The following PECAM1 variants were observed in gnomAD, a reference collection of about 807,000 sequenced individuals.
PECAM1 encodes platelet endothelial cell adhesion molecule.
PECAM1 carries 8 observed loss-of-function variants against 13.8 expected under a neutral mutation model. The observed-to-expected ratio is 0.58, with a 90% confidence interval of 0.34 to 1.05. The LOEUF (loss-of-function observed/expected upper bound fraction) is 1.05, where lower values mean the gene tolerates loss of function less well. PECAM1 is among the 50% of genes least tolerant of loss of function. The probability of loss-of-function intolerance (pLI) is 0.03; values close to 1 mark genes in which losing one functional copy is unlikely to be tolerated. For synonymous variants in PECAM1, 136 were observed against 52.6 expected (o/e 2.58, Z -6.86); for missense variants, 304 against 141.2 (o/e 2.15, Z -5.84).
chr17:64,322,045 G>A lies in PECAM1; in HGVS notation c.*1771C>T. 8.6e-7 allele frequency: 1 copy of A among 1,161,098 alleles called. No homozygotes were observed. Among genetic ancestry groups the A allele is most frequent in the Non-Finnish European group, 1.1e-6 (1 of 918,920 alleles). 71.9% of individuals were successfully genotyped at this position (1,161,098 alleles called of 1,614,324 possible). ...ATACAACTCGGTGTGTGTGTGTTGGGGAAAGGAACCAACAGCTTTCATCAT... is the reference window on the plus strand; with the variant it reads ...ATACAACTCGGTGTGTGTGTGTTGGAGAAAGGAACCAACAGCTTTCATCAT... On this transcript the variant is annotated 3_prime_UTR_variant, in exon 16 of 16. Transcript: ENST00000563924.
rs2036104175 is a variant in PECAM1, at chr17:64,366,315, C to T, written c.968-2918G>A. On this transcript the variant is annotated intron_variant, in intron 5 of 15. Coordinates refer to ENST00000563924, the MANE Select transcript of PECAM1 (RefSeq NM_000442.5). ...GTTAGAATGGCGATCATTAAAAAGT[C>T]AGGAAACAACAGGTGCTGGAGAGGA... 2.6e-5 allele frequency among the ~76,000 whole-genome samples: 4 copies of T among 151,962 alleles called. No homozygotes were observed. The South Asian group carries it at 8.3e-4, about 32-fold the overall frequency.
At chr17:64,384,123 C>A (rs2036541557) in intron 2 of PECAM1, among the ~76,000 whole-genome samples, 1 of 152,116 alleles carries the variant, frequency 6.6e-6, no homozygotes, top group Non-Finnish European at 1.5e-5. Context: ...AGAGCAAAAA[C>A]TCCATCTCAG....
chr17:64,325,075 T>G (rs62071606), intron 15 of PECAM1, among the ~76,000 whole-genome samples: 1 of 152,244 alleles, frequency 6.6e-6, no homozygotes, highest in Non-Finnish European at 1.5e-5. Context: ...TTTAAAATGG[T>G]TAAGTATACA....
At chr17:64,339,579 A>G (rs4968723) in intron 14 of PECAM1, among the ~76,000 whole-genome samples, 54,684 of 151,612 alleles carry the variant, frequency 0.36, 11,484 homozygotes, top group Non-Finnish European at 0.47. Context: ...ACCCTACCTC[A>G]CTTATAACTT....
chr17:64,386,535 A>G (rs2036597814), intron 2 of PECAM1, among the ~76,000 whole-genome samples: 2 of 152,222 alleles, frequency 1.3e-5, no homozygotes, highest in Non-Finnish European at 2.9e-5. Flanking sequence ...CCACAATTTA[A>G]AAAAAGACTT....
At chr17:64,337,700 C>T (rs1313473501) in intron 14 of PECAM1, among the ~76,000 whole-genome samples, 2 of 152,046 alleles carry the variant, frequency 1.3e-5, no homozygotes, top group African/African-American at 2.4e-5. Flanking sequence ...GGTCAGGTTC[C>T]AACAGCCCGG....
intron 10 of PECAM1, among the ~76,000 whole-genome samples, chr17:64,352,880 C>T (rs2035760367): frequency 6.6e-6 from 1 of 152,002 alleles, no homozygotes; most frequent in Non-Finnish European, 1.5e-5. Context: ...GAACTCCTGA[C>T]CTCAGGTGAT....
rs1436762090 is a variant in PECAM1, at chr17:64,358,082, T to C, written c.1493-1684A>G. Among the ~76,000 whole-genome samples, 24 of 148,966 alleles carry C rather than the reference T, an allele frequency of 1.6e-4. 1 individual carries two copies. Among genetic ancestry groups the C allele is most frequent in the African/African-American group, 5.9e-4 (24 of 40,868 alleles). ...TTCTCCATTCCCAAACTCCAGCCTT[T>C]GTTTCCAGCCATCTGATTTGGCCAC... On this transcript the variant is annotated intron_variant, in intron 7 of 15. Transcript: ENST00000563924.
intron 15 of PECAM1, among the ~76,000 whole-genome samples, chr17:64,325,623 G>C (rs2034933092): frequency 1.3e-5 from 2 of 152,164 alleles, no homozygotes; most frequent in Non-Finnish European, 1.5e-5. Context: ...TGTAGTCCCA[G>C]CTACTCAGGA....
rs895897841 is a variant in PECAM1, at chr17:64,321,906, G to A, written c.*1910C>T. The A allele has an allele frequency of 3.0e-6, 4 of 1,344,704 alleles. No homozygotes were observed. The Admixed American group carries it at 5.7e-5, about 19-fold the overall frequency. 83.3% of individuals were successfully genotyped at this position (1,344,704 alleles called of 1,614,324 possible). On this transcript the variant is annotated 3_prime_UTR_variant, in exon 16 of 16. Coordinates refer to ENST00000563924, the MANE Select transcript of PECAM1 (RefSeq NM_000442.5). The stretch of plus-strand genomic sequence containing the variant: ...GGAACTCCCTGGACACAGGGGATCT[G>A]GCTGTCCCCAGATCATCAACAGAGA...
chr17:64,353,751 C>T lies in PECAM1; in HGVS notation c.1889-233G>A, dbSNP rs1455511774. On this transcript the variant is annotated intron_variant, in intron 9 of 15. Transcript: ENST00000563924. The stretch of plus-strand genomic sequence containing the variant: ...GAGAAAAAGAAGCCAAATATATTCA[C>T]TCTTTTACAAAAGACAGAAAAGAAA... Among the ~76,000 whole-genome samples the T allele has an allele frequency of 2.0e-5, 3 of 152,208 alleles. No homozygotes were observed. In the East Asian group the frequency reaches 5.8e-4, roughly 29 times the overall value.
intron 14 of PECAM1, among the ~76,000 whole-genome samples, chr17:64,335,215 G>C (rs2035246296): frequency 6.6e-6 from 1 of 152,132 alleles, no homozygotes; most frequent in Non-Finnish European, 1.5e-5. Context: ...CCAAGGTCTT[G>C]AGAGGCTCTA....
intron 12 of PECAM1, among the ~76,000 whole-genome samples, chr17:64,349,273 A>G (rs2035655908): frequency 6.6e-6 from 1 of 152,160 alleles, no homozygotes; most frequent in African/African-American, 2.4e-5. Context: ...TCAGCTACCA[A>G]AACAATGATT....
At chr17:64,339,320 C>G (rs2035367207) in intron 14 of PECAM1, among the ~76,000 whole-genome samples, 1 of 152,320 alleles carries the variant, frequency 6.6e-6, no homozygotes, top group African/African-American at 2.4e-5. Flanking sequence ...GTCTTAACCT[C>G]TCTATGCCTT....
At chr17:64,382,989 G>A (rs938119264) in intron 2 of PECAM1, among the ~76,000 whole-genome samples, 42 of 152,034 alleles carry the variant, frequency 2.8e-4, no homozygotes, top group African/African-American at 9.4e-4. Context: ...GCAGTGAGCC[G>A]AGATTGCACC....
At position 64,363,461 on chromosome 17, in the gene PECAM1, G is replaced by A. The variant is rs1038838774; in HGVS notation, c.968-64C>T. ...GGCCACCACCCTAAAGACCCTTCCT[G>A]GAGAGGCCCTTGGCTCAGGTGCTCT... On this transcript the variant is annotated intron_variant, in intron 5 of 15. Transcript: ENST00000563924. The A allele has an allele frequency of 5.5e-4, 258 of 473,046 alleles. 1 individual carries two copies. Among genetic ancestry groups the A allele is most frequent in the African/African-American group, 4.8e-3 (242 of 50,610 alleles). The allele number at this position is 473,046 out of a possible 1,614,324, so 29.3% of individuals were successfully genotyped here.
intron 6 of PECAM1, 129 bp downstream of exon 6, chr17:64,363,020 C>T (rs1227315885): frequency 1.5e-5 from 7 of 455,130 alleles, no homozygotes; most frequent in African/African-American, 8.0e-5. Flanking sequence ...CCTTTGATTT[C>T]GCACTTCTCT....
At chr17:64,389,452 C>T (rs1466767337) in intron 2 of PECAM1, among the ~76,000 whole-genome samples, 1 of 152,158 alleles carries the variant, frequency 6.6e-6, no homozygotes, top group Non-Finnish European at 1.5e-5. Context: ...ACCCCACTTC[C>T]CTTTGTACAA....
rs1198094162 is a variant in PECAM1 at position 64,367,481 on chromosome 17, C to T, written c.967+2269G>A. Among the ~76,000 whole-genome samples the T allele has an allele frequency of 4.8e-5, 7 of 147,348 alleles. No homozygotes were observed. The East Asian group carries it at 6.1e-4, about 13-fold the overall frequency. On this transcript the variant is annotated intron_variant, in intron 5 of 15. Coordinates refer to ENST00000563924, the MANE Select transcript of PECAM1 (RefSeq NM_000442.5). The stretch of plus-strand genomic sequence containing the variant: ...AGGAGAATCGCTTGAACCCGGGAGG[C>T]GGAGGTTGCAGTGAGCTGAGATAGT...
Sources: gnomAD v4.1 joint callset for allele counts (sites outside exome capture counted in the v4.1 genomes callset) on GRCh38, gnomAD v4.1.1 for gene constraint, MANE v1.5 for transcripts, NCBI Gene and HGNC (gene_info 2026-07-23, HGNC 2026-07-21) for gene names.